AHNAK: variants seen among roughly 807,000 people sequenced by gnomAD.
AHNAK encodes AHNAK nucleoprotein, also known as neuroblast differentiation-associated protein AHNAK.
AHNAK carries 23 observed loss-of-function variants against 37.8 expected under a neutral mutation model. The observed-to-expected ratio is 0.61, with a 90% confidence interval of 0.44 to 0.86. AHNAK has a LOEUF of 0.86. Ranked by LOEUF, AHNAK falls within the 40% of genes least tolerant of loss-of-function variation. The pLI, the probability that AHNAK is intolerant of heterozygous loss-of-function variation, is 0.00. For missense variants in AHNAK, 7,411 were observed against 7,319.4 expected (o/e 1.01, Z -0.46); for synonymous variants, 2,481 against 2,636.3 (o/e 0.94, Z 1.80).
rs996431878 is a variant in AHNAK, at chr11:62,516,296, G to C, written c.*448C>G. 1.0e-4 allele frequency: 134 copies of C among 1,289,238 alleles called. No homozygotes were observed. The highest frequency in any genetic ancestry group is 1.3e-4 in the Non-Finnish European group (126 of 988,860). The allele number at this position is 1,289,238 out of a possible 1,614,324, so 79.9% of individuals were successfully genotyped here. A position where few individuals can be genotyped will look rare whatever the true frequency, so the allele number is the denominator to read the frequency against. ...TTTGAACAGATCCAGTCTCAGGAAA[G>C]AGGAAGACCTGACCTCCGTCTGCAA... On this transcript the variant is annotated 3_prime_UTR_variant, in exon 5 of 5. Coordinates refer to ENST00000378024, the MANE Select transcript of AHNAK (RefSeq NM_001620.3).
chr11:62,454,179 G>A (rs1192080950), intron 5 of AHNAK, among the ~76,000 whole-genome samples: 4 of 151,580 alleles, frequency 2.6e-5, no homozygotes, highest in Non-Finnish European at 5.9e-5. Context: ...TTTGGGAGGC[G>A]GAGGCGGGCG....
At position 62,492,971 on chromosome 11, in the gene AHNAK, A is replaced by G. The variant is rs541175992; in HGVS notation, c.343-1140T>C. ...GGACCTTCAGTTTCAAACAGATTAA[A>G]TTTCTTTTTTATTTTCTTTCTACTG... is the stretch of plus-strand genomic sequence containing the variant. On this transcript the variant is annotated intron_variant, in intron 4 of 5. Coordinates refer to the AHNAK transcript ENST00000257247. Among the ~76,000 whole-genome samples, 4 of 145,008 alleles carry G rather than the reference A, an allele frequency of 2.8e-5. No homozygotes were observed. The East Asian group carries it at 8.2e-4, about 30-fold the overall frequency.
intron 5 of AHNAK, among the ~76,000 whole-genome samples, chr11:62,443,489 C>A (rs963677516): frequency 1.3e-5 from 2 of 151,576 alleles, no homozygotes; most frequent in African/African-American, 2.4e-5. Context: ...TCAGGCTGGT[C>A]TCGAACTCCC....
In AHNAK at chr11:62,521,765, C is replaced by G. The variant is rs749174815; in HGVS notation, c.12652G>C (p.Asp4218His). 4 of 1,613,824 alleles carry G rather than the reference C, an allele frequency of 2.5e-6. No homozygotes were observed. The highest frequency in any genetic ancestry group is 2.2e-5 in the East Asian group (1 of 44,854). The change falls in exon 5 of 5, where the codon GAC becomes CAC. Residue 4218 changes from aspartate to histidine, a missense_variant. Asp to His is a moderately conservative substitution (Grantham distance 81). Coordinates refer to ENST00000378024, the MANE Select transcript of AHNAK (RefSeq NM_001620.3). ...ATGTCCACCTTGGGTCCTGAGACGT[C>G]AAGGTCAGCCTTGGGCAGGTTCACA... ...VDVNLPKADL[D>H]VSGPKVDIDV...
chr11:62,480,802 T>A (rs1250132681), intron 5 of AHNAK, among the ~76,000 whole-genome samples: 11 of 75,672 alleles, frequency 1.5e-4, no homozygotes, highest in African/African-American at 8.4e-4. Context: ...CTGCGTGCAG[T>A]TAAAAAAAAA....
At chr11:62,458,732 A>G (rs939794673) in intron 5 of AHNAK, among the ~76,000 whole-genome samples, 1 of 152,076 alleles carries the variant, frequency 6.6e-6, no homozygotes, top group African/African-American at 2.4e-5. Flanking sequence ...CAAGGACAGG[A>G]GCTGGTTCTG....
rs200979897 is a variant in AHNAK, at chr11:62,523,882, A to G, written c.10535T>C (p.Ile3512Thr). The G allele has an allele frequency of 5.9e-5, 95 of 1,613,884 alleles. No individual in the cohort carries two copies. The highest frequency in any genetic ancestry group is 3.3e-4 in the East Asian group (15 of 44,892). ...TTCCACATTGAGATCTGGGCCCTCA[A>G]TGTTCATACTTGGGCCCTCTATGTT... ...DINIEGPSMNIEGPDLNVEGP... is the reference protein window; with the variant it reads ...DINIEGPSMNTEGPDLNVEGP... Residue 3512 changes from isoleucine (I) to threonine (T), a missense_variant, in exon 5 of 5, where the codon ATT (isoleucine) becomes ACT (threonine). Ile to Thr is a moderately conservative substitution (Grantham distance 89). Transcript: ENST00000378024.
chr11:62,484,846 A>G (rs1939356665), intron 5 of AHNAK, among the ~76,000 whole-genome samples: 1 of 152,008 alleles, frequency 6.6e-6, no homozygotes, highest in Admixed American at 6.6e-5. Flanking sequence ...CTGGAGTGCA[A>G]TTGCGTGATC....
rs1490872361 is a variant in AHNAK, at chr11:62,523,880, C to G, written c.10537G>C (p.Glu3513Gln). The G allele has an allele frequency of 6.2e-7, 1 of 1,614,044 alleles. No homozygotes were observed. Among genetic ancestry groups the G allele is most frequent in the South Asian group, 1.1e-5 (1 of 91,072 alleles). The change falls in exon 5 of 5, where the codon GAG becomes CAG. Residue 3513 changes from glutamate (E) to glutamine (Q), a missense_variant. Physicochemically the swap from Glu to Gln is conservative, Grantham distance 29. Transcript: ENST00000378024. The stretch of plus-strand genomic sequence containing the variant: ...CCTTCCACATTGAGATCTGGGCCCT[C>G]AATGTTCATACTTGGGCCCTCTATG... ...INIEGPSMNIEGPDLNVEGPE... is the reference protein window; with the variant it reads ...INIEGPSMNIQGPDLNVEGPE...
At chr11:62,486,213 G>A (rs946707249) in intron 5 of AHNAK, among the ~76,000 whole-genome samples, 8 of 152,064 alleles carry the variant, frequency 5.3e-5, no homozygotes, top group African/African-American at 1.4e-4. Context: ...GGTGGCTCAC[G>A]CCTGTAATCC....
At chr11:62,498,355 T>A (rs1000309331) in intron 4 of AHNAK, among the ~76,000 whole-genome samples, 2 of 151,942 alleles carry the variant, frequency 1.3e-5, no homozygotes, top group African/African-American at 2.4e-5. Flanking sequence ...ATTTCTCTTG[T>A]ATTGTTTTAA....
At chr11:62,497,548 A>G (rs1939632591) in intron 4 of AHNAK, among the ~76,000 whole-genome samples, 1 of 152,244 alleles carries the variant, frequency 6.6e-6, no homozygotes. Flanking sequence ...TTACTAAGTA[A>G]CAGAAGACAT....
chr11:62,481,327 G>A (rs900740562), intron 5 of AHNAK, among the ~76,000 whole-genome samples: 10 of 151,910 alleles, frequency 6.6e-5, no homozygotes, highest in Admixed American at 6.6e-5. Flanking sequence ...GGCTGGTCCT[G>A]AACTCCTGAT....
chr11:62,507,949 T>A (rs1323273491), intron 4 of AHNAK, among the ~76,000 whole-genome samples: 1 of 152,182 alleles, frequency 6.6e-6, no homozygotes, highest in East Asian at 1.9e-4. Flanking sequence ...GGGGGTTTTT[T>A]AATTTGTTTT....
chr11:62,519,322 C>T lies in AHNAK; in HGVS notation c.15095G>A (p.Gly5032Asp). The change falls in exon 5 of 5, where the codon GGT (glycine) becomes GAT (aspartate). Residue 5032 changes from glycine to aspartate, a missense_variant. Coordinates refer to ENST00000378024, the MANE Select transcript of AHNAK (RefSeq NM_001620.3). Reference sequence around the variant, plus strand: ...CTGTTTTTTGGCCTTAATCTTAGGACCACTCATATGAATTTTAGGCATTTT... The same window carrying T: ...CTGTTTTTTGGCCTTAATCTTAGGATCACTCATATGAATTTTAGGCATTTT... The part of the protein sequence containing the change: ...KFKMPKIHMS[G>D]PKIKAKKQGF... The T allele has an allele frequency of 6.2e-7, 1 of 1,614,102 alleles. No individual in the cohort carries two copies. Among genetic ancestry groups the T allele is most frequent in the Non-Finnish European group, 8.5e-7 (1 of 1,180,028 alleles).
chr11:62,494,374 A>T (rs1939569012), intron 4 of AHNAK, among the ~76,000 whole-genome samples: 1 of 151,756 alleles, frequency 6.6e-6, no homozygotes, highest in South Asian at 2.1e-4. Flanking sequence ...GAAGGAAGGA[A>T]TTTTTTTTTA....
chr11:62,510,481 T>C (rs1939890262), intron 4 of AHNAK, among the ~76,000 whole-genome samples: 1 of 151,960 alleles, frequency 6.6e-6, no homozygotes, highest in Non-Finnish European at 1.5e-5. Context: ...CGGTGGCTCA[T>C]GCCTGTAATC....
In AHNAK at chr11:62,517,879, A is replaced by G; in HGVS notation, c.16538T>C (p.Leu5513Pro). The G allele has an allele frequency of 6.2e-7, 1 of 1,614,084 alleles. No individual in the cohort carries two copies. Among genetic ancestry groups the G allele is most frequent in the Non-Finnish European group, 8.5e-7 (1 of 1,179,992 alleles). ...AGGCCCAGAAATCTGCCCAGTTGGG[A>G]GTTTCACATTCACGCCTGGCAGGTT... ...DVNLPGVNVKLPTGQISGPEI... is the reference protein window; with the variant it reads ...DVNLPGVNVKPPTGQISGPEI... Residue 5513 changes from leucine to proline, a missense_variant, in exon 5 of 5, where the codon CTC (leucine) becomes CCC (proline). Leu to Pro is a moderately conservative substitution (Grantham distance 98, BLOSUM62 -3). Transcript: ENST00000378024.
intron 5 of AHNAK, among the ~76,000 whole-genome samples, chr11:62,453,543 C>T (rs898012565): frequency 1.3e-5 from 2 of 152,148 alleles, no homozygotes; most frequent in African/African-American, 4.8e-5. Flanking sequence ...AGGATTCGAA[C>T]CCAGGACCTG....
Sources: gnomAD v4.1 joint callset for allele counts (sites outside exome capture counted in the v4.1 genomes callset) on GRCh38, gnomAD v4.1.1 for gene constraint, MANE v1.5 for transcripts, NCBI Gene and HGNC (gene_info 2026-07-23, HGNC 2026-07-21) for gene names.